LRRC4C: variants seen among roughly 807,000 people sequenced by gnomAD.
LRRC4C encodes leucine rich repeat containing 4C.
Under a neutral mutation model 33.6 loss-of-function variants are expected in LRRC4C, and 5 were observed. The observed-to-expected ratio is 0.15, with a 90% CI of 0.08 to 0.31. The LOEUF is 0.31. LRRC4C is among the 10% of genes least tolerant of loss of function. The pLI, the probability that LRRC4C is intolerant of heterozygous loss-of-function variation, is 1.00. For synonymous variants in LRRC4C, 329 were observed against 302.0 expected, an observed-to-expected ratio of 1.09 and a Z score of -0.93; for missense variants, 560 against 796.7, an observed-to-expected ratio of 0.70 and a Z score of 3.58.
chr11:40,405,927 T>C (rs1181445813), intron 3 of LRRC4C, among the ~76,000 whole-genome samples: 2 of 151,844 alleles, frequency 1.3e-5, no homozygotes, highest in African/African-American at 2.4e-5. Flanking sequence ...GAGCTCTCTA[T>C]CCACAGTAGG....
intron 5 of LRRC4C, among the ~76,000 whole-genome samples, chr11:40,148,914 C>G (rs368011994): frequency 6.6e-6 from 1 of 152,156 alleles, no homozygotes; most frequent in Non-Finnish European, 1.5e-5. Context: ...GCCAGTTACC[C>G]CAGCACTATT....
chr11:40,314,224 A>T (rs916410008), intron 4 of LRRC4C, among the ~76,000 whole-genome samples: 28 of 152,046 alleles, frequency 1.8e-4, no homozygotes, highest in South Asian at 2.1e-4. Flanking sequence ...CTGATTTTTT[A>T]AAAAAATGGC....
In LRRC4C at chr11:40,193,571, G is replaced by A. The variant is rs376203549; in HGVS notation, c.-96+47948C>T. On this transcript the variant is annotated intron_variant, in intron 5 of 6. Transcript: ENST00000528697. ...CTCCTCCAAAGGATCACGACTCCTC[G>A]CCAGCAAGGGAACAAAACTGGGCGG... Among the ~76,000 whole-genome samples the A allele has an allele frequency of 1.6e-4, 24 of 152,188 alleles. No homozygotes were observed. The East Asian group carries it at 2.3e-3, about 15-fold the overall frequency.
intron 3 of LRRC4C, among the ~76,000 whole-genome samples, chr11:40,568,305 G>A (rs1957844717): frequency 1.3e-5 from 2 of 152,110 alleles, no homozygotes; most frequent in Admixed American, 1.3e-4. Flanking sequence ...CAGCCTGTAG[G>A]GCACATACGT....
chr11:40,895,486 C>T (rs1218752689), intron 2 of LRRC4C, among the ~76,000 whole-genome samples: 1 of 152,028 alleles, frequency 6.6e-6, no homozygotes, highest in African/African-American at 2.4e-5. Context: ...CCAAAATGTA[C>T]CTGGAAAAAT....
intron 1 of LRRC4C, among the ~76,000 whole-genome samples, chr11:41,330,906 T>C (rs1250630632): frequency 6.6e-6 from 1 of 152,202 alleles, no homozygotes; most frequent in Non-Finnish European, 1.5e-5. Flanking sequence ...TAAATTTATA[T>C]GTATATGTGT....
intron 3 of LRRC4C, among the ~76,000 whole-genome samples, chr11:40,507,268 T>C (rs1955078829): frequency 6.6e-6 from 1 of 152,078 alleles, no homozygotes; most frequent in East Asian, 1.9e-4. Context: ...TTTAGGTATA[T>C]ACAAGGAAAG....
intron 1 of LRRC4C, among the ~76,000 whole-genome samples, chr11:41,397,461 C>A (rs1272767840): frequency 6.6e-6 from 1 of 151,646 alleles, no homozygotes; most frequent in Admixed American, 6.6e-5. Flanking sequence ...TTCCAGCTTA[C>A]TTTATTATAA....
intron 2 of LRRC4C, among the ~76,000 whole-genome samples, chr11:40,773,684 C>A (rs1248170217): frequency 6.6e-6 from 1 of 151,846 alleles, no homozygotes; most frequent in Admixed American, 6.6e-5. Context: ...TTATTGTTAC[C>A]ACTTAACTCA....
chr11:40,839,803 G>A (rs922605320), intron 2 of LRRC4C, among the ~76,000 whole-genome samples: 4 of 152,050 alleles, frequency 2.6e-5, no homozygotes, highest in African/African-American at 9.7e-5. Flanking sequence ...GCATATACCC[G>A]GTGCTGAAGA....
intron 3 of LRRC4C, among the ~76,000 whole-genome samples, chr11:40,439,271 G>A (rs1215160884): frequency 1.3e-5 from 2 of 151,350 alleles, no homozygotes; most frequent in Non-Finnish European, 2.9e-5. Context: ...TGATAGAATG[G>A]TCAAGGGCAA....
chr11:41,457,403 T>A (rs772631618), intron 1 of LRRC4C, among the ~76,000 whole-genome samples: 56 of 152,152 alleles, frequency 3.7e-4, no homozygotes, highest in Non-Finnish European at 6.6e-4. Context: ...ACTTAAGGAA[T>A]GCTGATTGTC....
intron 2 of LRRC4C, among the ~76,000 whole-genome samples, chr11:40,751,291 CAG>C (rs1022569512): frequency 6.6e-6 from 1 of 152,000 alleles, no homozygotes; most frequent in African/African-American, 2.4e-5. Context: ...GAGAAAGAAA[CAG>C]AAAGCATCCA....
chr11:41,233,513 C>G (rs2136480476), intron 1 of LRRC4C, among the ~76,000 whole-genome samples: 1 of 151,972 alleles, frequency 6.6e-6, no homozygotes, highest in East Asian at 1.9e-4. Context: ...TGAGTTTGAG[C>G]AGGCTTGTAT....
intron 2 of LRRC4C, among the ~76,000 whole-genome samples, chr11:40,791,203 G>A (rs1201410917): frequency 1.3e-5 from 2 of 152,134 alleles, no homozygotes; most frequent in Admixed American, 6.5e-5. Flanking sequence ...TTGGCTATTT[G>A]GAGGTAATAA....
intron 1 of LRRC4C, among the ~76,000 whole-genome samples, chr11:41,348,707 G>A (rs1176609612): frequency 6.6e-6 from 1 of 152,078 alleles, no homozygotes; most frequent in Non-Finnish European, 1.5e-5. Flanking sequence ...GAAGAAAGCT[G>A]GAAACTCTGC....
chr11:40,318,191 T>A (rs1308568176), intron 4 of LRRC4C, among the ~76,000 whole-genome samples: 1 of 152,140 alleles, frequency 6.6e-6, no homozygotes, highest in Non-Finnish European at 1.5e-5. Context: ...GATTAATTAT[T>A]CCTTGTAATA....
rs142935164 is a variant in LRRC4C, at chr11:40,708,562, C to T, written c.-406-60284G>A. On this transcript the variant is annotated intron_variant, in intron 2 of 6. Transcript: ENST00000528697. Reference sequence around the variant, plus strand: ...TAATCCTGAGTTCTAATTTGATTGCCCTGTGGTCTGAGAGACAGTTTGTTG... The same window carrying T: ...TAATCCTGAGTTCTAATTTGATTGCTCTGTGGTCTGAGAGACAGTTTGTTG... 1.3e-3 allele frequency among the ~76,000 whole-genome samples: 199 copies of T among 152,098 alleles called. 1 individual carries two copies. Among genetic ancestry groups the T allele is most frequent in the African/African-American group, 4.4e-3 (183 of 41,502 alleles).
At chr11:40,936,990 G>A (rs1372236546) in intron 1 of LRRC4C, among the ~76,000 whole-genome samples, 1 of 152,106 alleles carries the variant, frequency 6.6e-6, no homozygotes, top group Non-Finnish European at 1.5e-5. Flanking sequence ...TAAAAACAAA[G>A]TAACTGTCTA....
Sources: gnomAD v4.1 joint callset for allele counts (sites outside exome capture counted in the v4.1 genomes callset) on GRCh38, gnomAD v4.1.1 for gene constraint, MANE v1.5 for transcripts, NCBI Gene and HGNC (gene_info 2026-07-23, HGNC 2026-07-21) for gene names.